Variants in DENR observed in about 807,000 individuals in gnomAD.
DENR encodes density-regulated protein.
In DENR, 6 loss-of-function variants were observed where a neutral mutation model predicts 30.6. That is an observed-to-expected ratio of 0.20 (90% CI 0.11 to 0.39). The LOEUF is 0.39. Among genes scored for constraint, DENR ranks in the 10% least tolerant of loss-of-function variants. The pLI, the probability that DENR is intolerant of heterozygous loss-of-function variation, is 1.00. For synonymous variants in DENR, 78 were observed against 72.1 expected (o/e 1.08, Z -0.41); for missense variants, 141 against 230.9 (o/e 0.61, Z 2.52).
intron 2 of DENR, among the ~76,000 whole-genome samples, chr12:122,757,008 A>G (rs1242284487): frequency 1.3e-5 from 2 of 152,190 alleles, no homozygotes; most frequent in African/African-American, 4.8e-5. Flanking sequence ...ATTTGAGGAC[A>G]AGGGAGATGG....
intron 2 of DENR, among the ~76,000 whole-genome samples, chr12:122,761,367 G>A (rs1321091523): frequency 5.9e-5 from 9 of 152,016 alleles, no homozygotes; most frequent in East Asian, 1.9e-4. Context: ...AGCCGAGATC[G>A]TGCCTCTGCA....
Position 122,770,940 on chromosome 12 carries a change from CAT to C in DENR, c.*1863_*1864del, listed in dbSNP as rs1808977194. 2.6e-6 allele frequency: 1 copy of C among 388,178 alleles called. No homozygotes were observed. The highest frequency in any genetic ancestry group is 2.1e-5 in the African/African-American group (1 of 48,322). 24.0% of individuals were successfully genotyped at this position (388,178 alleles called of 1,614,324 possible). On this transcript the variant is annotated 3_prime_UTR_variant, in exon 8 of 8. Transcript: ENST00000280557. Reference sequence around the variant, plus strand: ...AAAGATGTCTGTGTGCCTGTATCAACATGTGACTTCATGTAAAGTTTCTTTGT... The same window carrying C: ...AAAGATGTCTGTGTGCCTGTATCAACGTGACTTCATGTAAAGTTTCTTTGT...
rs1052853863 is a variant in DENR at position 122,765,207 on chromosome 12, A to G, written c.212-97A>G. 6.9e-6 allele frequency: 6 copies of G among 868,874 alleles called. No individual in the cohort carries two copies. In the African/African-American group the frequency reaches 1.0e-4, roughly 15 times the overall value. The allele number at this position is 868,874 out of a possible 1,614,324, so 53.8% of individuals were successfully genotyped here. On this transcript the variant is annotated intron_variant, in intron 4 of 7. Transcript: ENST00000280557. The stretch of plus-strand genomic sequence containing the variant: ...AATTTCATGCTCAGCTGTTGGTAAG[A>G]TGCCTTATTTGTATATGAGGTTGCT...
chr12:122,769,616 C>T lies in DENR; in HGVS notation c.*538C>T. ...CCGCCTCCCGGGTTCAAGTGATTCT[C>T]CTGCCTCAGCCTCCCAAGTAGGTGG... On this transcript the variant is annotated 3_prime_UTR_variant, in exon 8 of 8. Coordinates refer to ENST00000280557, the MANE Select transcript of DENR (RefSeq NM_003677.5). 3.0e-6 allele frequency: 1 copy of T among 331,036 alleles called. No homozygotes were observed. Among genetic ancestry groups the T allele is most frequent in the Non-Finnish European group, 4.5e-6 (1 of 221,430 alleles). The allele number at this position is 331,036 out of a possible 1,614,324, so 20.5% of individuals were successfully genotyped here. A position where few individuals can be genotyped will look rare whatever the true frequency, so the allele number is the denominator to read the frequency against.
chr12:122,758,839 A>ATT (rs1326385469), intron 2 of DENR, among the ~76,000 whole-genome samples: 55 of 109,118 alleles, frequency 5.0e-4, no homozygotes, highest in East Asian at 1.5e-3. Flanking sequence ...TAGAGGCTTA[A>ATT]TTTTTTATTT....
intron 5 of DENR, 97 bp downstream of exon 5, chr12:122,765,484 G>A (rs1878823403): frequency 2.7e-6 from 3 of 1,102,428 alleles, no homozygotes; most frequent in African/African-American, 1.6e-5. Flanking sequence ...AGGCACAATG[G>A]TGGGCGCCTA....
At chr12:122,753,428 C>T (rs1341065263) in intron 1 of DENR, among the ~76,000 whole-genome samples, 5 of 152,308 alleles carry the variant, frequency 3.3e-5, no homozygotes, top group African/African-American at 9.6e-5. Flanking sequence ...TTTCCTTCCC[C>T]ATTGCTTCCT....
intron 4 of DENR, among the ~76,000 whole-genome samples, chr12:122,764,178 C>G (rs906131338): frequency 6.6e-6 from 1 of 152,090 alleles, no homozygotes; most frequent in Admixed American, 6.6e-5. Context: ...TAGACCACAA[C>G]GGGTAGGGCA....
chr12:122,762,512 A>C (rs111506123), intron 3 of DENR, among the ~76,000 whole-genome samples: 1,859 of 152,338 alleles, frequency 0.012, 40 homozygotes, highest in African/African-American at 0.043. Flanking sequence ...ACAAATGAGC[A>C]GAGGAAAGAA....
At chr12:122,763,354 G>T (rs928617057) in intron 4 of DENR, 2 of 158,218 alleles carry the variant, frequency 1.3e-5, no homozygotes, top group Non-Finnish European at 2.7e-5. Context: ...AGCCGAGATC[G>T]TGCCACTGCA....
chr12:122,767,493 A>T lies in DENR; in HGVS notation c.301A>T (p.Arg101Trp). 1 of 1,552,556 alleles carries T rather than the reference A, an allele frequency of 6.4e-7. No homozygotes were observed. Among genetic ancestry groups the T allele is most frequent in the Non-Finnish European group, 8.7e-7 (1 of 1,150,120 alleles). The change falls in exon 6 of 8, where the codon AGG becomes TGG. Residue 101 changes from arginine (R) to tryptophan (W), a missense_variant. Arg to Trp is a moderately radical substitution (Grantham distance 101). Transcript: ENST00000280557. ...EEKKKQKRGG[R>W]GQIKQKKKTV... is the part of the protein sequence containing the mutation. ...CTCTTTCTTAATAAATAAAGGTGGA[A>T]GGGGTCAAATAAAACAAAAAAAGAA...
chr12:122,759,579 G>T (rs1178483152), intron 2 of DENR, among the ~76,000 whole-genome samples: 1 of 152,136 alleles, frequency 6.6e-6, no homozygotes, highest in African/African-American at 2.4e-5. Context: ...AAATTAGCTG[G>T]GTGTGGTGGT....
At chr12:122,768,692 T>C in intron 6 of DENR, 90 bp from the exon 7 acceptor site, 1 of 1,199,314 alleles carries the variant, frequency 8.3e-7, no homozygotes, top group Non-Finnish European at 1.1e-6. Flanking sequence ...TGTTTTATGA[T>C]TTTAAAATGC....
chr12:122,767,470 C>G lies in DENR; in HGVS notation c.296-18C>G. 6.9e-7 allele frequency: 1 copy of G among 1,458,634 alleles called. No homozygotes were observed. The highest frequency in any genetic ancestry group is 1.3e-5 in the South Asian group (1 of 75,966). The allele number at this position is 1,458,634 out of a possible 1,614,324, so 90.4% of individuals were successfully genotyped here. ...TGTCAAAAACAACTAAAGCTAAGCT[C>G]TTTCTTAATAAATAAAGGTGGAAGG... On this transcript the variant is annotated intron_variant, in intron 5 of 7. Transcript: ENST00000280557.
chr12:122,761,200 T>C (rs925670511), intron 2 of DENR, among the ~76,000 whole-genome samples: 1 of 151,012 alleles, frequency 6.6e-6, no homozygotes, highest in African/African-American at 2.4e-5. Flanking sequence ...TTACCTGAGG[T>C]CAGGAGTTTG....
intron 5 of DENR, among the ~76,000 whole-genome samples, chr12:122,766,645 G>A (rs192348239): frequency 1.2e-4 from 19 of 152,170 alleles, no homozygotes; most frequent in Non-Finnish European, 1.5e-5. Context: ...TCTCTATTTT[G>A]GTTAGTGACA....
rs1378613003 is a variant in DENR, at chr12:122,765,521, G to GC, written c.295+135dup. ...AGTCACAGCTTCTTAGGGGGCTGAG[G>GC]CAGGAGGATCACTTAAGCCCAGGAG... is the stretch of plus-strand genomic sequence containing the variant. On this transcript the variant is annotated intron_variant, in intron 5 of 7. Transcript: ENST00000280557. The GC allele has an allele frequency of 5.5e-6, 4 of 726,574 alleles. No homozygotes were observed. The African/African-American group carries it at 7.2e-5, about 13-fold the overall frequency. 45.0% of individuals were successfully genotyped at this position (726,574 alleles called of 1,614,324 possible).
At chr12:122,761,499 T>C (rs1878699746) in intron 2 of DENR, among the ~76,000 whole-genome samples, 8 of 151,882 alleles carry the variant, frequency 5.3e-5, no homozygotes, top group Admixed American at 4.6e-4. Flanking sequence ...GAATAAAAAG[T>C]GGTGGCTGTT....
At position 122,769,585 on chromosome 12, in the gene DENR, C is replaced by T. The variant is rs1361386357; in HGVS notation, c.*507C>T. On this transcript the variant is annotated 3_prime_UTR_variant, in exon 8 of 8. Transcript: ENST00000280557. ...GCAGTGGTGCGATCTCGGCTCACTG[C>T]AACCTCCGCCTCCCGGGTTCAAGTG... The T allele has an allele frequency of 1.7e-6, 1 of 579,050 alleles. No homozygotes were observed. The highest frequency in any genetic ancestry group is 2.3e-6 in the Non-Finnish European group (1 of 444,266). 35.9% of individuals were successfully genotyped at this position (579,050 alleles called of 1,614,324 possible).
Sources: gnomAD v4.1 joint callset for allele counts (sites outside exome capture counted in the v4.1 genomes callset) on GRCh38, gnomAD v4.1.1 for gene constraint, MANE v1.5 for transcripts, NCBI Gene and HGNC (gene_info 2026-07-23, HGNC 2026-07-21) for gene names.